ZNF583: variants seen among roughly 807,000 people sequenced by gnomAD.
The protein encoded by ZNF583 is zinc finger protein 583.
ZNF583 carries 30 observed loss-of-function variants against 55.3 expected under a neutral mutation model. That is an observed-to-expected ratio of 0.54 (90% CI 0.41 to 0.74). The LOEUF is 0.74. Among genes scored for constraint, ZNF583 ranks in the 30% least tolerant of loss-of-function variants. ZNF583 has a pLI of 0.00. For missense variants in ZNF583, 504 were observed against 664.7 expected, an observed-to-expected ratio of 0.76 and a Z score of 2.66; for synonymous variants, 208 against 220.0, an observed-to-expected ratio of 0.95 and a Z score of 0.48.
At position 56,423,153 on chromosome 19, in the gene ZNF583, C is replaced by A. The variant is rs140107379; in HGVS notation, c.495C>A (p.Phe165Leu). The A allele has an allele frequency of 5.6e-6, 9 of 1,612,662 alleles. No homozygotes were observed. The highest frequency in any genetic ancestry group is 6.8e-6 in the Non-Finnish European group (8 of 1,179,782). ...AATATAACAAATCTTGGCAAACATT[C>A]CACCAGGATACAATCTTTGATATAC... The part of the protein sequence containing the change: ...NKEYNKSWQT[F>L]HQDTIFDIQQ... Residue 165 changes from phenylalanine (F) to leucine (L), a missense_variant, in exon 5 of 5, where the codon TTC (phenylalanine) becomes TTA (leucine). By Grantham distance (22) the Phe-to-Leu change is conservative. Around this residue, in one of 3 missense-constraint regions of ZNF583, gnomAD observed 204 missense variants for 235.2 expected, o/e 0.87. Transcript: ENST00000333201.
rs1340731741 is a variant in ZNF583 at position 56,414,397 on chromosome 19, G to A, written c.189G>A (p.Glu63=). Residue 63 remains glutamate (E), a synonymous_variant, in exon 4 of 5, where the codon GAG becomes GAA. Coordinates refer to ENST00000333201, the MANE Select transcript of ZNF583 (RefSeq NM_152478.3). ...DVISLLEQGK[E]PWMVKKEGTR... ...TCTCATTATTGGAGCAAGGAAAAGA[G>A]CCCTGGATGGTGAAGAAGGAGGGAA... The A allele has an allele frequency of 6.2e-7, 1 of 1,614,022 alleles. No individual in the cohort carries two copies. The highest frequency in any genetic ancestry group is 8.5e-7 in the Non-Finnish European group (1 of 1,180,020).
At chr19:56,414,309 G>A (rs565293378) in intron 3 of ZNF583, 36 bp from the exon 4 acceptor site, 13 of 1,601,760 alleles carry the variant, frequency 8.1e-6, no homozygotes, top group South Asian at 4.4e-5. Context: ...CTTATTTATA[G>A]ACCTGCCTAA....
chr19:56,423,734 A>G lies in ZNF583; in HGVS notation c.1076A>G (p.Lys359Arg). 1 of 1,613,898 alleles carries G rather than the reference A, an allele frequency of 6.2e-7. No individual in the cohort carries two copies. The highest frequency in any genetic ancestry group is 2.2e-5 in the East Asian group (1 of 44,856). ...EKPYVCNVCG[K>R]AFSHRGYLIV... The stretch of plus-strand genomic sequence containing the variant: ...CCTTATGTGTGTAATGTGTGTGGGA[A>G]AGCCTTTAGCCATCGTGGATACCTA... The change falls in exon 5 of 5, where the codon AAA (lysine) becomes AGA (arginine). Residue 359 changes from lysine (K) to arginine (R), a missense_variant. Lys to Arg is a conservative substitution (Grantham distance 26). This residue lies in a region of ZNF583 where 237 missense variants were observed against 373.0 expected (regional missense o/e 0.64). Coordinates refer to ENST00000333201, the MANE Select transcript of ZNF583 (RefSeq NM_152478.3).
chr19:56,410,344 G>T (rs1471897506), intron 2 of ZNF583, among the ~76,000 whole-genome samples: 1 of 152,178 alleles, frequency 6.6e-6, no homozygotes, highest in East Asian at 1.9e-4. Flanking sequence ...TGGAGAGAAT[G>T]ACGTCTGTGA....
Position 56,424,571 on chromosome 19 carries a change from C to A in ZNF583, c.*203C>A. 2.0e-6 allele frequency: 1 copy of A among 495,682 alleles called. No homozygotes were observed. The highest frequency in any genetic ancestry group is 3.1e-5 in the East Asian group (1 of 31,910). The allele number at this position is 495,682 out of a possible 1,614,324, so 30.7% of individuals were successfully genotyped here. A position where few individuals can be genotyped will look rare whatever the true frequency, so the allele number is the denominator to read the frequency against. On this transcript the variant is annotated 3_prime_UTR_variant, in exon 5 of 5. Transcript: ENST00000333201. Reference sequence around the variant, plus strand: ...ATCTCATTTCTCCCTCATTAAAATCCCTCAGTGGCATCCCATGGTTTTTAA... The same window carrying A: ...ATCTCATTTCTCCCTCATTAAAATCACTCAGTGGCATCCCATGGTTTTTAA...
chr19:56,410,715 GCAA>G (rs1029533232), intron 2 of ZNF583, among the ~76,000 whole-genome samples: 18 of 151,500 alleles, frequency 1.2e-4, no homozygotes, highest in Non-Finnish European at 2.5e-4. Flanking sequence ...AACACAAACA[GCAA>G]CAACAACAAA....
intron 4 of ZNF583, among the ~76,000 whole-genome samples, chr19:56,422,266 T>C (rs2042427297): frequency 6.6e-6 from 1 of 152,178 alleles, no homozygotes; most frequent in Non-Finnish European, 1.5e-5. Flanking sequence ...CTAAGTTCTG[T>C]GCTAGGTTAG....
At chr19:56,418,069 T>C (rs2042355831) in intron 4 of ZNF583, among the ~76,000 whole-genome samples, 1 of 152,342 alleles carries the variant, frequency 6.6e-6, no homozygotes, top group South Asian at 2.1e-4. Flanking sequence ...TAAGTTTTGA[T>C]ACCAGATAGA....
intron 4 of ZNF583, among the ~76,000 whole-genome samples, chr19:56,416,324 CAA>C (rs34537682): frequency 6.9e-4 from 45 of 65,374 alleles, no homozygotes; most frequent in Non-Finnish European, 1.0e-3. Context: ...GACTCCGTCT[CAA>C]AAAAAAAAAA....
At chr19:56,420,299 G>A (rs1444858092) in intron 4 of ZNF583, among the ~76,000 whole-genome samples, 2 of 152,072 alleles carry the variant, frequency 1.3e-5, no homozygotes, top group Non-Finnish European at 2.9e-5. Context: ...ACTCATCTTG[G>A]TTTCGGTACT....
intron 2 of ZNF583, among the ~76,000 whole-genome samples, chr19:56,411,289 T>C (rs1188593027): frequency 1.3e-5 from 2 of 151,940 alleles, no homozygotes; most frequent in African/African-American, 4.8e-5. Context: ...AGATCCGGTC[T>C]CCCAAAAAAT....
chr19:56,405,679 C>T (rs914655710), intron 1 of ZNF583, among the ~76,000 whole-genome samples: 5 of 151,984 alleles, frequency 3.3e-5, no homozygotes, highest in African/African-American at 1.2e-4. Context: ...TCTCTGGGGG[C>T]ACGTGAGGAA....
At chr19:56,413,914 G>C in intron 2 of ZNF583, 45 bp from the exon 3 acceptor site, 2 of 1,611,066 alleles carry the variant, frequency 1.2e-6, no homozygotes, top group Non-Finnish European at 1.7e-6. Flanking sequence ...GCTCATGTGA[G>C]GATATGAACA....
rs753558721 is a variant in ZNF583, at chr19:56,423,047, A to G, written c.389A>G (p.Asn130Ser). ...TGTCAAAGTGAGGACTGGTATAAGA[A>G]CCAGCTGGGAAGTCAAGAGGTACAT... is the stretch of plus-strand genomic sequence containing the variant. ...EDCQSEDWYKNQLGSQEVHLS... is the reference protein window; with the variant it reads ...EDCQSEDWYKSQLGSQEVHLS... The change falls in exon 5 of 5, where the codon AAC becomes AGC. Residue 130 changes from asparagine to serine, a missense_variant. Asn to Ser is a conservative substitution (Grantham distance 46). This residue lies in a region of ZNF583 where 204 missense variants were observed against 235.2 expected (regional missense o/e 0.87). Coordinates refer to ENST00000333201, the MANE Select transcript of ZNF583 (RefSeq NM_152478.3). 6.8e-6 allele frequency: 11 copies of G among 1,613,894 alleles called. No homozygotes were observed. In the East Asian group the frequency reaches 2.5e-4, roughly 36 times the overall value.
rs1201737758 is a variant in ZNF583 at position 56,414,024 on chromosome 19, T to C, written c.75T>C (p.Pro25=). ...AAGAGGAATGGGAATGGCTGAACCC[T>C]GCTCAGAGGAATTTGTACAGGAAAG... ...FSQEEWEWLN[P]AQRNLYRKVM... The change falls in exon 3 of 5, where the codon CCT becomes CCC. Residue 25 remains proline, a synonymous_variant. Transcript: ENST00000333201. The C allele has an allele frequency of 1.9e-6, 3 of 1,612,462 alleles. No homozygotes were observed. The highest frequency in any genetic ancestry group is 1.7e-6 in the Non-Finnish European group (2 of 1,179,330).
rs1404921878 is a variant in ZNF583 at position 56,413,989 on chromosome 19, A to C, written c.40A>C (p.Asn14His). 6.2e-7 allele frequency: 1 copy of C among 1,613,944 alleles called. No individual in the cohort carries two copies. Among genetic ancestry groups the C allele is most frequent in the African/African-American group, 1.3e-5 (1 of 74,898 alleles). ...DLVTFGDVAVNFSQEEWEWLN... is the reference protein window; with the variant it reads ...DLVTFGDVAVHFSQEEWEWLN... ...GGTGACATTTGGGGATGTGGCTGTA[A>C]ATTTCTCTCAAGAGGAATGGGAATG... Residue 14 changes from asparagine (N) to histidine (H), a missense_variant, in exon 3 of 5, where the codon AAT becomes CAT. Coordinates refer to ENST00000333201, the MANE Select transcript of ZNF583 (RefSeq NM_152478.3).
Position 56,423,322 on chromosome 19 carries a change from A to T in ZNF583, c.664A>T (p.Asn222Tyr), listed in dbSNP as rs1196580783. 1 of 1,612,918 alleles carries T rather than the reference A, an allele frequency of 6.2e-7. No homozygotes were observed. Among genetic ancestry groups the T allele is most frequent in the Non-Finnish European group, 8.5e-7 (1 of 1,179,698 alleles). ...LKCNDCEKVF[N>Y]QSSSLTLHQR... ...ATGTAATGATTGTGAGAAAGTCTTC[A>T]ACCAGAGCTCATCCCTTACTCTTCA... Residue 222 changes from asparagine to tyrosine, a missense_variant, in exon 5 of 5, where the codon AAC becomes TAC. Around this residue, in one of 3 missense-constraint regions of ZNF583, gnomAD observed 237 missense variants for 373.0 expected, o/e 0.64. Transcript: ENST00000333201.
intron 4 of ZNF583, among the ~76,000 whole-genome samples, chr19:56,417,999 T>TGA (rs1308993323): frequency 1.3e-5 from 2 of 152,348 alleles, no homozygotes; most frequent in African/African-American, 4.8e-5. Context: ...TCTGTTCCAT[T>TGA]GATCTATATG....
chr19:56,413,884 AATTTAACTTTTTAACTT>A, intron 2 of ZNF583, 58 bp from the exon 3 acceptor site: 1 of 1,595,088 alleles, frequency 6.3e-7, no homozygotes, highest in Non-Finnish European at 8.5e-7. Flanking sequence ...AAGTATAGAC[AATTTAACTTTTTAACTT>A]AGGCTCATGT....
Sources: allele counts gnomAD v4.1 joint callset (sites outside exome capture counted in the v4.1 genomes callset), GRCh38; gene constraint gnomAD v4.1.1; regional missense constraint gnomAD v4.1.1; transcripts MANE v1.5; gene names NCBI Gene and HGNC (gene_info 2026-07-23, HGNC 2026-07-21).